Variants in LGSN observed in about 807,000 individuals in gnomAD.
The protein encoded by LGSN is lengsin.
Under a neutral mutation model 19.5 loss-of-function variants are expected in LGSN, and 21 were observed. The observed-to-expected ratio is 1.07, with a 90% confidence interval of 0.76 to 1.55. The LOEUF (loss-of-function observed/expected upper bound fraction) is 1.55, where lower values mean the gene tolerates loss of function less well. Ranked by LOEUF, LGSN falls within the 40% of genes most tolerant of loss-of-function variation. LGSN has a pLI of 0.00. For missense variants in LGSN, 673 were observed against 608.5 expected (o/e 1.11, Z -1.12); for synonymous variants, 257 against 215.6 (o/e 1.19, Z -1.68).
At chr6:63,560,419 T>C in the LGSN span, among the ~76,000 whole-genome samples, 2 of 151,132 alleles carry the variant, frequency 1.3e-5, no homozygotes, top group Non-Finnish European at 2.9e-5. Flanking sequence ...TTTTTTTTCT[T>C]GAGACAGAGT....
At chr6:63,377,233 C>T in the LGSN span, among the ~76,000 whole-genome samples, 1 of 152,184 alleles carries the variant, frequency 6.6e-6, no homozygotes, top group Non-Finnish European at 1.5e-5. Context: ...GCAATAGACG[C>T]TAACGTATCC....
chr6:63,359,333 A>C, the LGSN span, among the ~76,000 whole-genome samples: 1 of 152,122 alleles, frequency 6.6e-6, no homozygotes, highest in Non-Finnish European at 1.5e-5. Context: ...GGTATCAGGA[A>C]GATGCTGGCC....
the LGSN span, among the ~76,000 whole-genome samples, chr6:63,498,728 T>C: frequency 2.0e-5 from 3 of 152,122 alleles, no homozygotes; most frequent in African/African-American, 2.4e-5. Flanking sequence ...AGACAAGTGC[T>C]CATTTACAGG....
At chr6:63,412,419 A>G in the LGSN span, among the ~76,000 whole-genome samples, 2 of 123,624 alleles carry the variant, frequency 1.6e-5, no homozygotes, top group African/African-American at 4.3e-5. Context: ...AAGAAAGAAG[A>G]AAGAAAGAAA....
At chr6:63,475,563 G>A in the LGSN span, among the ~76,000 whole-genome samples, 2 of 152,116 alleles carry the variant, frequency 1.3e-5, no homozygotes, top group African/African-American at 2.4e-5. Flanking sequence ...TATAAATTTT[G>A]TCTCTTATCC....
At chr6:63,487,713 G>T in the LGSN span, among the ~76,000 whole-genome samples, 1 of 152,214 alleles carries the variant, frequency 6.6e-6, no homozygotes, top group South Asian at 2.1e-4. Flanking sequence ...GAGCGTGGTT[G>T]CTCACGCCTG....
intron 1 of LGSN, among the ~76,000 whole-genome samples, chr6:63,315,290 C>T (rs1768794735): frequency 6.6e-6 from 1 of 152,116 alleles, no homozygotes; most frequent in South Asian, 2.1e-4. Flanking sequence ...TGGATGTCAG[C>T]AAGACCTGAT....
chr6:63,572,612 G>A, the LGSN span: 18 of 419,320 alleles, frequency 4.3e-5, no homozygotes, highest in Admixed American at 6.6e-4. Flanking sequence ...GCTCCGCCAC[G>A]ACCACCGCCG....
At chr6:63,442,499 A>G in the LGSN span, among the ~76,000 whole-genome samples, 3 of 152,190 alleles carry the variant, frequency 2.0e-5, no homozygotes, top group Admixed American at 6.5e-5. Context: ...CAGAGTGCTG[A>G]TTGGTATACT....
At chr6:63,499,433 T>A in the LGSN span, among the ~76,000 whole-genome samples, 10 of 152,092 alleles carry the variant, frequency 6.6e-5, no homozygotes, top group African/African-American at 2.4e-4. Flanking sequence ...AATTCATAGA[T>A]TGTTATATAT....
At chr6:63,495,448 T>A in the LGSN span, among the ~76,000 whole-genome samples, 1 of 119,850 alleles carries the variant, frequency 8.3e-6, no homozygotes, top group South Asian at 2.6e-4. Flanking sequence ...CTTTCTTTTT[T>A]TCTTTTTCTT....
chr6:63,363,979 C>CA, the LGSN span, among the ~76,000 whole-genome samples: 19,843 of 152,002 alleles, frequency 0.13, 2,864 homozygotes, highest in African/African-American at 0.36. Flanking sequence ...AAAAACATGC[C>CA]AATTGTAAAG....
the LGSN span, among the ~76,000 whole-genome samples, chr6:63,381,084 C>T: frequency 6.6e-6 from 1 of 152,126 alleles, no homozygotes; most frequent in Non-Finnish European, 1.5e-5. Flanking sequence ...CACCTGTAGT[C>T]TCAGCTACTC....
the LGSN span, among the ~76,000 whole-genome samples, chr6:63,502,298 C>T: frequency 2.6e-5 from 4 of 152,174 alleles, no homozygotes; most frequent in Non-Finnish European, 5.9e-5. Flanking sequence ...AGGGTGAAGT[C>T]TAGGATAATC....
At chr6:63,457,292 G>A in the LGSN span, among the ~76,000 whole-genome samples, 5 of 152,202 alleles carry the variant, frequency 3.3e-5, no homozygotes, top group East Asian at 7.7e-4. Flanking sequence ...ATCACTTGAG[G>A]TCAGGAGTTC....
chr6:63,420,198 G>A, the LGSN span, among the ~76,000 whole-genome samples: 1 of 145,760 alleles, frequency 6.9e-6, no homozygotes, highest in Non-Finnish European at 1.5e-5. Flanking sequence ...CCGAGACTGC[G>A]TCTCAAAAAA....
chr6:63,336,414 C>T, the LGSN span, among the ~76,000 whole-genome samples: 1 of 151,906 alleles, frequency 6.6e-6, no homozygotes. Flanking sequence ...TCTGCAGTCC[C>T]TGCACTTACT....
the LGSN span, among the ~76,000 whole-genome samples, chr6:63,412,457 A>AGAAGGAAG: frequency 7.6e-4 from 97 of 127,924 alleles, 1 homozygote; most frequent in African/African-American, 1.3e-3. Context: ...AAAGAAAGAA[A>AGAAGGAAG]GAAAGAAAAA....
At chr6:63,351,435 A>AAG in the LGSN span, among the ~76,000 whole-genome samples, 372 of 146,774 alleles carry the variant, frequency 2.5e-3, 2 homozygotes, top group African/African-American at 8.0e-3. Flanking sequence ...GAGAGAGAGG[A>AAG]AGAGAGAGAG....
Sources: gnomAD v4.1 joint callset for allele counts (sites outside exome capture counted in the v4.1 genomes callset) on GRCh38, gnomAD v4.1.1 for gene constraint, MANE v1.5 for transcripts, NCBI Gene and HGNC (gene_info 2026-07-23, HGNC 2026-07-21) for gene names.